The following HYDIN variants were observed in gnomAD, a reference collection of about 807,000 sequenced individuals.
HYDIN encodes axonemal central pair apparatus protein HYDIN.
A neutral mutation model predicts 403.9 loss-of-function variants in HYDIN; 132 were observed. The ratio of observed to expected loss-of-function variants is 0.33; its 90% CI spans 0.28 to 0.38. The LOEUF is 0.38. Ranked by LOEUF, HYDIN falls within the 10% of genes least tolerant of loss-of-function variation. The pLI is 1.00. For missense variants in HYDIN, 2,827 were observed against 5,009.5 expected (o/e 0.56, Z 13.15); for synonymous variants, 1,202 against 1,891.7 (o/e 0.64, Z 9.46).
chr16:70,984,471 A>T (rs1410738583), intron 28 of HYDIN, among the ~76,000 whole-genome samples: 15 of 146,676 alleles, frequency 1.0e-4, no homozygotes, highest in East Asian at 2.0e-4. Flanking sequence ...GACCTAACAG[A>T]TATTAAGATG....
chr16:71,000,979 C>T (rs2079688566), intron 23 of HYDIN, among the ~76,000 whole-genome samples: 1 of 151,030 alleles, frequency 6.6e-6, no homozygotes, highest in Non-Finnish European at 1.5e-5. Context: ...AATACTTTTG[C>T]ACATACAATG....
intron 83 of HYDIN, among the ~76,000 whole-genome samples, chr16:70,825,552 T>C (rs1391419515): frequency 2.1e-5 from 3 of 143,098 alleles, no homozygotes; most frequent in Admixed American, 2.0e-4. Context: ...TTTATTGAGA[T>C]ATAACTCACA....
chr16:70,917,253 A>T (rs529017728), intron 47 of HYDIN, among the ~76,000 whole-genome samples: 1 of 152,352 alleles, frequency 6.6e-6, no homozygotes, highest in Admixed American at 6.5e-5. Context: ...GTTGATGGAA[A>T]GTTTTTCTTC....
chr16:71,194,864 G>C (rs1007295959), intron 1 of HYDIN, among the ~76,000 whole-genome samples: 2 of 152,184 alleles, frequency 1.3e-5, no homozygotes, highest in African/African-American at 4.8e-5. Context: ...TTGGTGGAAG[G>C]ACTCAGTTCC....
At chr16:71,051,905 T>A (rs1393929902) in intron 18 of HYDIN, among the ~76,000 whole-genome samples, 17 of 152,160 alleles carry the variant, frequency 1.1e-4, no homozygotes, top group Admixed American at 1.1e-3. Context: ...AGTGCTCCTA[T>A]AAATTATTAT....
chr16:70,888,794 CTCTAT>C, intron 58 of HYDIN, among the ~76,000 whole-genome samples: 1 of 152,246 alleles, frequency 6.6e-6, no homozygotes. Flanking sequence ...AGTCTAGACT[CTCTAT>C]TTGGCCTTTG....
rs2082618571 is a variant in HYDIN, at chr16:71,076,045, G to A, written c.1738+3840C>T. 1.0e-5 allele frequency: 3 copies of A among 294,392 alleles called. No homozygotes were observed. The Admixed American group carries it at 1.2e-4, about 12-fold the overall frequency. 18.2% of individuals were successfully genotyped at this position (294,392 alleles called of 1,614,324 possible). On this transcript the variant is annotated intron_variant, in intron 13 of 85. Coordinates refer to ENST00000393567, the MANE Select transcript of HYDIN (RefSeq NM_001270974.2). ...ACATGGCACCCTTCCTCCCACTCATGGTTCTGGAAGGTAGTTGGGTTGAGA... is the reference window on the plus strand; with the variant it reads ...ACATGGCACCCTTCCTCCCACTCATAGTTCTGGAAGGTAGTTGGGTTGAGA...
At chr16:71,094,638 G>A (rs1474698135) in intron 10 of HYDIN, among the ~76,000 whole-genome samples, 1 of 152,276 alleles carries the variant, frequency 6.6e-6, no homozygotes, top group Non-Finnish European at 1.5e-5. Flanking sequence ...CATGTATTGA[G>A]GAAGTGTCAG....
intron 6 of HYDIN, among the ~76,000 whole-genome samples, chr16:71,153,895 A>C (rs1024953935): frequency 6.6e-6 from 1 of 152,140 alleles, no homozygotes; most frequent in African/African-American, 2.4e-5. Context: ...TAACTTAGAG[A>C]GTTCTTCCTA....
At chr16:70,894,582 G>T in intron 54 of HYDIN, 34 bp from the exon 55 acceptor site, 1 of 1,281,220 alleles carries the variant, frequency 7.8e-7, no homozygotes, top group East Asian at 2.5e-5. Flanking sequence ...AGAGAGGGGT[G>T]AATGGGCATG....
At chr16:71,208,968 AAAG>A (rs1395077790) in intron 1 of HYDIN, among the ~76,000 whole-genome samples, 3 of 152,144 alleles carry the variant, frequency 2.0e-5, no homozygotes, top group Non-Finnish European at 4.4e-5. Context: ...CCAGATGTAC[AAAG>A]AAGAATGGGT....
At chr16:71,201,503 T>C (rs1317651565) in intron 1 of HYDIN, among the ~76,000 whole-genome samples, 2 of 152,182 alleles carry the variant, frequency 1.3e-5, no homozygotes, top group Non-Finnish European at 1.5e-5. Context: ...TATCCCAGTA[T>C]TGCACCTCCC....
At chr16:70,831,545 A>G (rs1342041537) in intron 80 of HYDIN, among the ~76,000 whole-genome samples, 1 of 143,136 alleles carries the variant, frequency 7.0e-6, no homozygotes, top group Non-Finnish European at 1.5e-5. Flanking sequence ...AAAAAAAAAC[A>G]AGAAACAAAC....
At chr16:71,219,533 G>A (rs1268823820) in intron 1 of HYDIN, among the ~76,000 whole-genome samples, 1 of 152,022 alleles carries the variant, frequency 6.6e-6, no homozygotes. Context: ...AGGATATGCT[G>A]GTTTATTTGA....
In HYDIN at chr16:70,809,807, C is replaced by A; in HGVS notation, c.14859G>T (p.Arg4953=). 6.2e-7 allele frequency: 1 copy of A among 1,614,098 alleles called. No homozygotes were observed. Among genetic ancestry groups the A allele is most frequent in the South Asian group, 1.1e-5 (1 of 91,076 alleles). ...IILVKFINYT[R]QRTEYYCRTD... is the part of the protein sequence containing the mutation. ...CCCTGCAGTAGTATTCTGTCCTCTG[C>A]CGTGTGTAATTGATGAACTTCACAA... Residue 4953 remains arginine, a synonymous_variant, in exon 85 of 86, where the codon CGG becomes CGT. Coordinates refer to ENST00000393567, the MANE Select transcript of HYDIN (RefSeq NM_001270974.2).
chr16:71,209,470 T>C (rs2144727645), intron 1 of HYDIN, among the ~76,000 whole-genome samples: 1 of 152,060 alleles, frequency 6.6e-6, no homozygotes, highest in Non-Finnish European at 1.5e-5. Flanking sequence ...AAGCATTCCC[T>C]TGAAACCTGG....
At chr16:70,822,962 T>C (rs1351286978) in intron 83 of HYDIN, among the ~76,000 whole-genome samples, 3 of 115,144 alleles carry the variant, frequency 2.6e-5, no homozygotes, top group Non-Finnish European at 5.3e-5. Context: ...AGCTTTGTCA[T>C]GGTGGCCTGG....
chr16:71,141,340 A>G (rs1343517528), intron 7 of HYDIN, among the ~76,000 whole-genome samples: 5 of 151,590 alleles, frequency 3.3e-5, no homozygotes, highest in Admixed American at 2.0e-4. Context: ...TGAGTCAAAT[A>G]TTTAAATGTT....
chr16:71,117,619 TCTATAA>T (rs2084091283), intron 9 of HYDIN, among the ~76,000 whole-genome samples: 1 of 151,780 alleles, frequency 6.6e-6, no homozygotes, highest in Admixed American at 6.6e-5. Context: ...CATCCAGAAA[TCTATAA>T]ACAGTCCCGC....
Sources: allele counts gnomAD v4.1 joint callset (sites outside exome capture counted in the v4.1 genomes callset), GRCh38; gene constraint gnomAD v4.1.1; transcripts MANE v1.5; gene names NCBI Gene and HGNC (gene_info 2026-07-23, HGNC 2026-07-21).